The following RYR2 variants were observed in gnomAD, a reference collection of about 807,000 sequenced individuals.
RYR2 encodes ryanodine receptor 2.
Under a neutral mutation model 601.1 loss-of-function variants are expected in RYR2, and 227 were observed. The observed-to-expected ratio is 0.38, with a 90% CI of 0.34 to 0.42. The LOEUF (loss-of-function observed/expected upper bound fraction) is 0.42, where lower values mean the gene tolerates loss of function less well. Ranked by LOEUF, RYR2 falls within the 10% of genes least tolerant of loss-of-function variation. The pLI is 1.00. For synonymous variants in RYR2, 2,223 were observed against 2,175.1 expected, an observed-to-expected ratio of 1.02 and a Z score of -0.61; for missense variants, 4,646 against 6,156.5, an observed-to-expected ratio of 0.75 and a Z score of 8.21.
At chr1:237,208,188 C>A (rs1277860263) in intron 1 of RYR2, among the ~76,000 whole-genome samples, 1 of 152,178 alleles carries the variant, frequency 6.6e-6, no homozygotes, top group Non-Finnish European at 1.5e-5. Context: ...TGTTGCATAG[C>A]TGATCATTTT....
intron 1 of RYR2, among the ~76,000 whole-genome samples, chr1:237,205,396 C>T (rs12122279): frequency 8.9e-4 from 135 of 152,256 alleles, no homozygotes; most frequent in African/African-American, 3.2e-3. Flanking sequence ...TGTGGGCAGC[C>T]GTACAAGCTG....
At chr1:237,054,527 A>G (rs975306633) in intron 1 of RYR2, among the ~76,000 whole-genome samples, 3 of 152,070 alleles carry the variant, frequency 2.0e-5, no homozygotes, top group Admixed American at 2.0e-4. Flanking sequence ...TCTTGATTAT[A>G]GAAAATGCAA....
intron 1 of RYR2, among the ~76,000 whole-genome samples, chr1:237,116,425 T>C (rs1291850637): frequency 2.0e-5 from 3 of 152,076 alleles, no homozygotes; most frequent in African/African-American, 4.8e-5. Flanking sequence ...GCAGACATAA[T>C]AGGAGGTACT....
intron 86 of RYR2, among the ~76,000 whole-genome samples, chr1:237,772,431 G>T (rs1184342916): frequency 6.6e-6 from 1 of 152,118 alleles, no homozygotes; most frequent in African/African-American, 2.4e-5. Context: ...AATTGGGGAA[G>T]AATATTTGGA....
intron 62 of RYR2, 127 bp downstream of exon 62, chr1:237,680,704 A>G: frequency 1.7e-6 from 1 of 593,768 alleles, no homozygotes; most frequent in Admixed American, 3.3e-5. Flanking sequence ...CCGTGTCTTC[A>G]TGGAAACAAA....
rs1167546068 is a variant in RYR2, at chr1:237,350,571, C to CAAA, written c.274-5364_274-5362dup. 1.0e-3 allele frequency among the ~76,000 whole-genome samples: 27 copies of CAAA among 26,962 alleles called. 1 individual carries two copies. Among genetic ancestry groups the CAAA allele is most frequent in the African/African-American group, 1.3e-3 (12 of 9,192 alleles). The allele number at this position is 26,962 out of a possible 152,430, so 17.7% of individuals were successfully genotyped here. On this transcript the variant is annotated intron_variant, in intron 3 of 104. Transcript: ENST00000366574. The stretch of plus-strand genomic sequence containing the variant: ...GGGTGACAAAAGTAAGACTCTGTCT[C>CAAA]AAAAAAAAAAAAAAAAAAAAAAAAA...
intron 14 of RYR2, among the ~76,000 whole-genome samples, chr1:237,446,302 A>T (rs150898427): frequency 7.2e-5 from 11 of 152,256 alleles, no homozygotes; most frequent in African/African-American, 2.6e-4. Context: ...CTTGCGAGAG[A>T]TTGCATTTGT....
intron 34 of RYR2, 147 bp from the exon 35 acceptor site, chr1:237,601,878 T>C: frequency 1.6e-6 from 1 of 615,912 alleles, no homozygotes; most frequent in Non-Finnish European, 2.8e-6. Flanking sequence ...AATACTCTAA[T>C]TCTTGAAGGA....
chr1:237,233,158 G>T (rs1035927087), intron 1 of RYR2, among the ~76,000 whole-genome samples: 9 of 152,138 alleles, frequency 5.9e-5, no homozygotes, highest in Non-Finnish European at 1.3e-4. Flanking sequence ...CTTAGGCAGG[G>T]CACCTGTGTT....
intron 79 of RYR2, among the ~76,000 whole-genome samples, chr1:237,739,606 T>TTTAAGA (rs1344808481): frequency 1.3e-5 from 2 of 152,210 alleles, no homozygotes. Context: ...TTTTAAAATA[T>TTTAAGA]TTAAGATACA....
intron 1 of RYR2, among the ~76,000 whole-genome samples, chr1:237,150,915 G>A (rs1558324840): frequency 6.6e-6 from 1 of 152,046 alleles, no homozygotes; most frequent in African/African-American, 2.4e-5. Context: ...TTAACATGAG[G>A]GCCAAGTGTT....
At chr1:237,722,810 T>C (rs888693224) in intron 73 of RYR2, among the ~76,000 whole-genome samples, 2 of 152,186 alleles carry the variant, frequency 1.3e-5, no homozygotes, top group Non-Finnish European at 2.9e-5. Context: ...CATAGTCACA[T>C]GATTAGTGTA....
intron 1 of RYR2, among the ~76,000 whole-genome samples, chr1:237,131,083 C>T (rs1672118988): frequency 6.6e-6 from 1 of 152,092 alleles, no homozygotes; most frequent in African/African-American, 2.4e-5. Flanking sequence ...GCCCCTGGCA[C>T]AGATGAGCAG....
intron 100 of RYR2, among the ~76,000 whole-genome samples, chr1:237,810,071 T>C (rs1293664999): frequency 6.6e-6 from 1 of 152,188 alleles, no homozygotes; most frequent in Non-Finnish European, 1.5e-5. Context: ...AGACAGAATT[T>C]GATGCCTTAA....
chr1:237,456,876 A>C, intron 16 of RYR2, 141 bp downstream of exon 16: 2 of 911,612 alleles, frequency 2.2e-6, no homozygotes, highest in Non-Finnish European at 3.2e-6. Flanking sequence ...CAGGAATTTG[A>C]GACCAGCCTG....
chr1:237,554,896 T>C (rs1380369937), intron 27 of RYR2: 2 of 152,094 alleles, frequency 1.3e-5, no homozygotes, highest in East Asian at 3.8e-4. Flanking sequence ...TCTAAGGGAT[T>C]AATTGATTTT....
intron 1 of RYR2, among the ~76,000 whole-genome samples, chr1:237,150,546 A>G (rs1674592706): frequency 6.6e-6 from 1 of 152,190 alleles, no homozygotes; most frequent in South Asian, 2.1e-4. Context: ...AGTTGAAAAG[A>G]ACTGAAAACA....
At chr1:237,656,918 G>A (rs1039720604) in intron 53 of RYR2, among the ~76,000 whole-genome samples, 1 of 152,130 alleles carries the variant, frequency 6.6e-6, no homozygotes, top group African/African-American at 2.4e-5. Flanking sequence ...TTGATCTTTT[G>A]TATCTCTTCC....
chr1:237,739,939 A>G (rs1305956225), intron 79 of RYR2, among the ~76,000 whole-genome samples: 1 of 152,164 alleles, frequency 6.6e-6, no homozygotes, highest in Non-Finnish European at 1.5e-5. Flanking sequence ...GAATGATCTG[A>G]CATATCCTCC....
Sources: allele counts gnomAD v4.1 joint callset (sites outside exome capture counted in the v4.1 genomes callset), GRCh38; gene constraint gnomAD v4.1.1; transcripts MANE v1.5; gene names NCBI Gene and HGNC (gene_info 2026-07-23, HGNC 2026-07-21).